FNIP1: variants seen among roughly 807,000 people sequenced by gnomAD.
The protein encoded by FNIP1 is folliculin-interacting protein 1.
In FNIP1, 40 loss-of-function variants were observed where a neutral mutation model predicts 124.5. The ratio of observed to expected loss-of-function variants is 0.32; its 90% CI spans 0.25 to 0.42. FNIP1 has a LOEUF of 0.42. Ranked by LOEUF, FNIP1 falls within the 10% of genes least tolerant of loss-of-function variation. The probability of loss-of-function intolerance (pLI) is 1.00; values close to 1 mark genes in which losing one functional copy is unlikely to be tolerated. For synonymous variants in FNIP1, 472 were observed against 470.6 expected (o/e 1.00, Z -0.04); for missense variants, 1,176 against 1,403.7 (o/e 0.84, Z 2.59).
At chr5:131,772,197 G>C (rs1234653046) in intron 1 of FNIP1, among the ~76,000 whole-genome samples, 1 of 152,016 alleles carries the variant, frequency 6.6e-6, no homozygotes, top group Non-Finnish European at 1.5e-5. Flanking sequence ...TCTGGAAAAG[G>C]CCAAACTGTA....
At chr5:131,649,721 C>T (rs777553950) in intron 16 of FNIP1, among the ~76,000 whole-genome samples, 4 of 152,290 alleles carry the variant, frequency 2.6e-5, no homozygotes, top group Non-Finnish European at 5.9e-5. Context: ...AAGTCACTGT[C>T]ATATCCAATG....
chr5:131,703,582 G>A (rs1768973969), intron 10 of FNIP1, among the ~76,000 whole-genome samples: 1 of 152,118 alleles, frequency 6.6e-6, no homozygotes, highest in African/African-American at 2.4e-5. Context: ...GGAATATCTC[G>A]TTCCAGATGG....
intron 14 of FNIP1, 52 bp downstream of exon 14, chr5:131,671,453 G>A: frequency 7.3e-7 from 1 of 1,367,298 alleles, no homozygotes; most frequent in Non-Finnish European, 1.0e-6. Flanking sequence ...CTAAAAAAGA[G>A]AATGGTACAT....
At position 131,698,922 on chromosome 5, in the gene FNIP1, T is replaced by C; in HGVS notation, c.1197A>G (p.Glu399=). Residue 399 remains glutamate, a synonymous_variant, in exon 11 of 18, where the codon GAA becomes GAG. Coordinates refer to ENST00000510461, the MANE Select transcript of FNIP1 (RefSeq NM_133372.3). ...AYNRIVDALN[E]FRTTICNLYT... is the part of the protein sequence containing the mutation. ...GAAAGCTGGGCAATATGTACCTGAATTCATTTAGGGCATCAACTATTCGAT... is the reference window on the plus strand; with the variant it reads ...GAAAGCTGGGCAATATGTACCTGAACTCATTTAGGGCATCAACTATTCGAT... 1 of 1,606,498 alleles carries C rather than the reference T, an allele frequency of 6.2e-7. No homozygotes were observed.
At chr5:131,683,621 A>C (rs189048863) in intron 11 of FNIP1, among the ~76,000 whole-genome samples, 42 of 151,686 alleles carry the variant, frequency 2.8e-4, no homozygotes, top group Non-Finnish European at 5.0e-4. Context: ...ATACTATGTT[A>C]ATAATTGTTA....
Position 131,778,589 on chromosome 5 carries a change from G to A in FNIP1, c.92+18241C>T, listed in dbSNP as rs928369464. ...CAACCATTGTGGAAGTCAGTGTGGC[G>A]ATTCCTCAGGGATCTAGAACTAGAA... On this transcript the variant is annotated intron_variant, in intron 1 of 17. Coordinates refer to ENST00000510461, the MANE Select transcript of FNIP1 (RefSeq NM_133372.3). Among the ~76,000 whole-genome samples, 4 of 130,406 alleles carry A rather than the reference G, an allele frequency of 3.1e-5. 1 individual carries two copies. The highest frequency in any genetic ancestry group is 2.9e-4 in the South Asian group (1 of 3,432). 85.6% of individuals were successfully genotyped at this position (130,406 alleles called of 152,430 possible). A position where few individuals can be genotyped will look rare whatever the true frequency, so the allele number is the denominator to read the frequency against.
At chr5:131,791,730 C>T (rs1436595827) in intron 1 of FNIP1, among the ~76,000 whole-genome samples, 3 of 152,156 alleles carry the variant, frequency 2.0e-5, no homozygotes, top group African/African-American at 7.2e-5. Context: ...ACTCTTAAGA[C>T]TGATTCAAAC....
intron 2 of FNIP1, among the ~76,000 whole-genome samples, chr5:131,731,942 CT>C (rs2149550772): frequency 6.6e-6 from 1 of 152,270 alleles, no homozygotes; most frequent in African/African-American, 2.4e-5. Flanking sequence ...TATGTTTATT[CT>C]TTCGAAATGA....
intron 1 of FNIP1, among the ~76,000 whole-genome samples, chr5:131,753,118 G>T (rs182984718): frequency 6.6e-6 from 1 of 151,964 alleles, no homozygotes; most frequent in East Asian, 1.9e-4. Flanking sequence ...ATGGCCACAA[G>T]CATTAAAATG....
intron 13 of FNIP1, among the ~76,000 whole-genome samples, chr5:131,674,623 C>T (rs1196026749): frequency 3.3e-5 from 5 of 151,960 alleles, no homozygotes; most frequent in Admixed American, 2.6e-4. Context: ...GAGGCTGAGG[C>T]GGAAGAATCA....
At chr5:131,767,692 TTTTA>T in intron 1 of FNIP1, among the ~76,000 whole-genome samples, 1 of 152,264 alleles carries the variant, frequency 6.6e-6, no homozygotes, top group Non-Finnish European at 1.5e-5. Context: ...AGGAGTACCA[TTTTA>T]ATGCTGGAAG....
chr5:131,658,672 C>A (rs1767285731), intron 15 of FNIP1, among the ~76,000 whole-genome samples: 2 of 152,002 alleles, frequency 1.3e-5, no homozygotes, highest in Non-Finnish European at 2.9e-5. Flanking sequence ...CTATCACCTT[C>A]CCTGTGTGGA....
intron 1 of FNIP1, among the ~76,000 whole-genome samples, chr5:131,745,514 T>C (rs926341347): frequency 6.6e-6 from 1 of 152,074 alleles, no homozygotes; most frequent in African/African-American, 2.4e-5. Flanking sequence ...AATGAGACCC[T>C]GTCTCAAAAA....
At position 131,667,161 on chromosome 5, in the gene FNIP1, G is replaced by C. The variant is rs556575259; in HGVS notation, c.3108+3302C>G. Among the ~76,000 whole-genome samples the C allele has an allele frequency of 2.6e-5, 4 of 152,262 alleles. No homozygotes were observed. The South Asian group carries it at 6.2e-4, about 24-fold the overall frequency. ...AGTATCTTCCTCAGGCACTACTTTTGTTATGTTTTATACTACATTTATTCA... is the reference window on the plus strand; with the variant it reads ...AGTATCTTCCTCAGGCACTACTTTTCTTATGTTTTATACTACATTTATTCA... On this transcript the variant is annotated intron_variant, in intron 15 of 17. Coordinates refer to ENST00000510461, the MANE Select transcript of FNIP1 (RefSeq NM_133372.3).
intron 6 of FNIP1, among the ~76,000 whole-genome samples, chr5:131,712,449 A>G (rs996572380): frequency 9.2e-5 from 14 of 152,260 alleles, no homozygotes; most frequent in Non-Finnish European, 1.8e-4. Flanking sequence ...GAAGTCCTCC[A>G]TTTTCCAACT....
chr5:131,710,567 A>C lies in FNIP1; in HGVS notation c.706+11T>G. The C allele has an allele frequency of 6.2e-7, 1 of 1,613,052 alleles. No homozygotes were observed. Among genetic ancestry groups the C allele is most frequent in the Non-Finnish European group, 8.5e-7 (1 of 1,179,716 alleles). On this transcript the variant is annotated intron_variant, in intron 7 of 17. Coordinates refer to ENST00000510461, the MANE Select transcript of FNIP1 (RefSeq NM_133372.3). ...ACACCAACTAGTCTACCCACACAGC[A>C]CATCGCAAACCTGCAAAGAAAGAGG...
intron 11 of FNIP1, among the ~76,000 whole-genome samples, chr5:131,683,603 C>A (rs1292055645): frequency 6.7e-6 from 1 of 150,370 alleles, no homozygotes; most frequent in East Asian, 1.9e-4. Flanking sequence ...ATACCAAATG[C>A]AGTGTAAATA....
At chr5:131,669,125 C>A (rs1026396475) in intron 15 of FNIP1, among the ~76,000 whole-genome samples, 1 of 151,918 alleles carries the variant, frequency 6.6e-6, no homozygotes, top group Non-Finnish European at 1.5e-5. Context: ...CTAATAAATT[C>A]CTAAAAGACA....
chr5:131,652,131 G>T, intron 15 of FNIP1, 132 bp from the exon 16 acceptor site: 1 of 733,252 alleles, frequency 1.4e-6, no homozygotes. Flanking sequence ...ATATCTCCTT[G>T]ACCAAGAAGA....
Sources: allele counts gnomAD v4.1 joint callset (sites outside exome capture counted in the v4.1 genomes callset), GRCh38; gene constraint gnomAD v4.1.1; transcripts MANE v1.5; gene names NCBI Gene and HGNC (gene_info 2026-07-23, HGNC 2026-07-21).